LRP5: variants seen among roughly 807,000 people sequenced by gnomAD.
LRP5 encodes the protein LDL receptor related protein 5.
Under a neutral mutation model 154.1 loss-of-function variants are expected in LRP5, and 62 were observed. That is an observed-to-expected ratio of 0.40 (90% CI 0.33 to 0.50). The LOEUF is 0.50. LRP5 is among the 20% of genes least tolerant of loss of function. The pLI is 0.55. For missense variants in LRP5, 1,915 were observed against 2,336.7 expected (o/e 0.82, Z 3.72); for synonymous variants, 966 against 1,011.5 (o/e 0.96, Z 0.85).
At chr11:68,431,768 A>T (rs1565109345) in intron 17 of LRP5, among the ~76,000 whole-genome samples, 1 of 152,158 alleles carries the variant, frequency 6.6e-6, no homozygotes, top group Non-Finnish European at 1.5e-5. Flanking sequence ...CCTCCCACTG[A>T]TGCCCGAACT....
At chr11:68,347,296 C>T (rs991455693) in intron 1 of LRP5, among the ~76,000 whole-genome samples, 7 of 152,208 alleles carry the variant, frequency 4.6e-5, no homozygotes, top group African/African-American at 1.4e-4. Context: ...GCTGATGCCA[C>T]GGCCAAGGAA....
chr11:68,375,126 G>A (rs1387785433), intron 5 of LRP5, among the ~76,000 whole-genome samples: 2 of 152,232 alleles, frequency 1.3e-5, no homozygotes. Flanking sequence ...TGCCCAGACA[G>A]AACCCTTGTG....
chr11:68,346,298 C>T (rs868434399), intron 1 of LRP5, among the ~76,000 whole-genome samples: 7 of 152,318 alleles, frequency 4.6e-5, no homozygotes, highest in Admixed American at 2.0e-4. Flanking sequence ...GCGGCGGAGG[C>T]GCCGCTGTCA....
intron 9 of LRP5, 81 bp downstream of exon 9, chr11:68,406,894 CTT>C (rs2098656025): frequency 1.4e-6 from 2 of 1,416,904 alleles, no homozygotes; most frequent in South Asian, 1.2e-5. Context: ...GCTTCAGACA[CTT>C]TTCTTAAAGC....
At chr11:68,301,266 A>G in the LRP5 span, among the ~76,000 whole-genome samples, 1 of 149,352 alleles carries the variant, frequency 6.7e-6, no homozygotes, top group Admixed American at 6.7e-5. Flanking sequence ...TATTATCTAG[A>G]TTCAAAATTT....
intron 5 of LRP5, among the ~76,000 whole-genome samples, chr11:68,367,965 T>C (rs1022522719): frequency 4.6e-5 from 7 of 150,704 alleles, no homozygotes; most frequent in Non-Finnish European, 1.0e-4. Context: ...CTTGGGAGAC[T>C]GAGGCAGGAG....
At chr11:68,373,292 GGGCTGAGAGGGT>G (rs1314654053) in intron 5 of LRP5, among the ~76,000 whole-genome samples, 2 of 152,126 alleles carry the variant, frequency 1.3e-5, no homozygotes, top group Non-Finnish European at 2.9e-5. Flanking sequence ...CCCAAGGAAG[GGGCTGAGAGGGT>G]GGTCACACCG....
intron 1 of LRP5, among the ~76,000 whole-genome samples, chr11:68,318,538 TA>T (rs1448105366): frequency 2.6e-5 from 4 of 151,688 alleles, no homozygotes; most frequent in Admixed American, 6.6e-5. Flanking sequence ...AGGGTTTCAC[TA>T]TGTTGCCCAG....
chr11:68,441,650 C>T (rs1034759326), intron 21 of LRP5, among the ~76,000 whole-genome samples: 1 of 152,218 alleles, frequency 6.6e-6, no homozygotes, highest in African/African-American at 2.4e-5. Flanking sequence ...AGGCAGCTCA[C>T]GAATTCTCTT....
chr11:68,346,900 G>C (rs569793353), intron 1 of LRP5, among the ~76,000 whole-genome samples: 7 of 152,334 alleles, frequency 4.6e-5, no homozygotes, highest in African/African-American at 1.7e-4. Flanking sequence ...CGACGTCTGA[G>C]GTGTCTGGTG....
chr11:68,440,177 G>C (rs375502287), intron 21 of LRP5, among the ~76,000 whole-genome samples: 2 of 152,182 alleles, frequency 1.3e-5, no homozygotes, highest in Non-Finnish European at 2.9e-5. Context: ...GTTGGGCTCC[G>C]TCAGCATCCA....
intron 7 of LRP5, among the ~76,000 whole-genome samples, chr11:68,399,387 CA>C (rs2098651361): frequency 6.6e-6 from 1 of 151,776 alleles, no homozygotes; most frequent in Non-Finnish European, 1.5e-5. Flanking sequence ...AAAAAAAAAC[CA>C]AAAAACATGT....
chr11:68,397,418 C>T (rs2098650074), intron 7 of LRP5, among the ~76,000 whole-genome samples: 1 of 152,198 alleles, frequency 6.6e-6, no homozygotes, highest in African/African-American at 2.4e-5. Context: ...GACAGCCCAG[C>T]CCTCTCCCGA....
chr11:68,358,491 T>C (rs2098625064), intron 3 of LRP5, among the ~76,000 whole-genome samples: 1 of 152,198 alleles, frequency 6.6e-6, no homozygotes, highest in Non-Finnish European at 1.5e-5. Flanking sequence ...TTTGGAATTG[T>C]TGGGGAGGGC....
At chr11:68,399,104 T>A (rs1337985046) in intron 7 of LRP5, among the ~76,000 whole-genome samples, 3 of 152,078 alleles carry the variant, frequency 2.0e-5, no homozygotes, top group African/African-American at 7.2e-5. Flanking sequence ...GAGGATCGCT[T>A]AAGCCCAGGA....
chr11:68,405,633 CT>C (rs1484486359), intron 8 of LRP5, among the ~76,000 whole-genome samples: 1 of 152,160 alleles, frequency 6.6e-6, no homozygotes, highest in African/African-American at 2.4e-5. Flanking sequence ...TCCCCCTCCC[CT>C]CTCACCCCGT....
chr11:68,333,198 G>A (rs1021564878), intron 1 of LRP5, among the ~76,000 whole-genome samples: 9 of 152,344 alleles, frequency 5.9e-5, no homozygotes, highest in African/African-American at 1.9e-4. Context: ...TAATTGAAAC[G>A]TGGATGTGGG....
At chr11:68,323,352 C>G (rs893828214) in intron 1 of LRP5, among the ~76,000 whole-genome samples, 1 of 152,150 alleles carries the variant, frequency 6.6e-6, no homozygotes, top group African/African-American at 2.4e-5. Context: ...AGGTGATCCA[C>G]TTGCCTCAGC....
At position 68,403,639 on chromosome 11, in the gene LRP5, A is replaced by G. The variant is rs999670238; in HGVS notation, c.1741A>G (p.Ile581Val). Reference protein sequence around the residue: ...VHKVKASRDVIIDQLPDLMGL... With the variant: ...VHKVKASRDVVIDQLPDLMGL... ...CAAGGTCAAGGCCAGCCGGGACGTC[A>G]TCATTGACCAGCTGCCCGACCTGAT... is the stretch of plus-strand genomic sequence containing the variant. The change falls in exon 8 of 23, where the codon ATC becomes GTC. Residue 581 changes from isoleucine to valine, a missense_variant. Coordinates refer to ENST00000294304, the MANE Select transcript of LRP5 (RefSeq NM_002335.4). 8 of 1,614,180 alleles carry G rather than the reference A, an allele frequency of 5.0e-6. No individual in the cohort carries two copies. The highest frequency in any genetic ancestry group is 1.7e-5 in the Admixed American group (1 of 60,028).
Sources: allele counts gnomAD v4.1 joint callset (sites outside exome capture counted in the v4.1 genomes callset), GRCh38; gene constraint gnomAD v4.1.1; transcripts MANE v1.5; gene names NCBI Gene and HGNC (gene_info 2026-07-23, HGNC 2026-07-21).